The following FGF14 variants were observed in gnomAD, a reference collection of about 807,000 sequenced individuals.
FGF14 encodes fibroblast growth factor homologous factor 4.
A neutral mutation model predicts 25.5 loss-of-function variants in FGF14; 5 were observed. The ratio of observed to expected loss-of-function variants is 0.20; its 90% CI spans 0.10 to 0.41. The LOEUF (loss-of-function observed/expected upper bound fraction) is 0.41, where lower values mean the gene tolerates loss of function less well. FGF14 is among the 10% of genes least tolerant of loss of function. The pLI, the probability that FGF14 is intolerant of heterozygous loss-of-function variation, is 1.00. For synonymous variants in FGF14, 138 were observed against 118.3 expected (o/e 1.17, Z -1.08); for missense variants, 222 against 320.1 (o/e 0.69, Z 2.34).
At chr13:102,094,678 T>C (rs1485294197) in intron 1 of FGF14, among the ~76,000 whole-genome samples, 2 of 152,140 alleles carry the variant, frequency 1.3e-5, no homozygotes, top group Non-Finnish European at 2.9e-5. Flanking sequence ...AGGGAAAAGG[T>C]AAACAGCAGC....
chr13:101,943,272 C>T (rs16959481), intron 1 of FGF14, among the ~76,000 whole-genome samples: 10,022 of 152,128 alleles, frequency 0.066, 1,105 homozygotes, highest in African/African-American at 0.23. Flanking sequence ...TAGACTTAAC[C>T]GTGTGTCTGC....
chr13:101,762,134 G>A (rs960540575), intron 3 of FGF14, among the ~76,000 whole-genome samples: 15 of 152,192 alleles, frequency 9.9e-5, no homozygotes, highest in Non-Finnish European at 2.1e-4. Context: ...AATGGTAGGA[G>A]CATTTTGTCT....
Position 101,816,713 on chromosome 13 carries a change from T to C in FGF14, c.408+52012A>G, listed in dbSNP as rs140195325. Among the ~76,000 whole-genome samples, 406 of 152,276 alleles carry C rather than the reference T, an allele frequency of 2.7e-3. 1 individual carries two copies. Among genetic ancestry groups the C allele is most frequent in the African/African-American group, 9.1e-3 (379 of 41,578 alleles). ...CTCATGCATAAGTTTAATTCTATCA[T>C]ATAGGTATCTGATTATAAAATTCTA... On this transcript the variant is annotated intron_variant, in intron 3 of 4. Coordinates refer to ENST00000376143, the MANE Select transcript of FGF14 (RefSeq NM_004115.4).
chr13:102,294,896 T>C (rs1168849563), intron 1 of FGF14, among the ~76,000 whole-genome samples: 2 of 152,214 alleles, frequency 1.3e-5, no homozygotes, highest in Admixed American at 1.3e-4. Flanking sequence ...TGAGTTACAA[T>C]AGCACTTAGA....
At chr13:102,213,624 C>T (rs1219736503) in intron 1 of FGF14, among the ~76,000 whole-genome samples, 6 of 151,930 alleles carry the variant, frequency 3.9e-5, no homozygotes, top group Non-Finnish European at 7.4e-5. Flanking sequence ...TCAATGTTAA[C>T]GAAAAAAGCA....
intron 1 of FGF14, among the ~76,000 whole-genome samples, chr13:102,039,976 TA>T (rs5806264): frequency 1.9e-4 from 28 of 149,624 alleles, no homozygotes; most frequent in East Asian, 1.8e-3. Flanking sequence ...GTTTACATGT[TA>T]AAAAAAAAAA....
intron 1 of FGF14, among the ~76,000 whole-genome samples, chr13:102,132,627 C>T (rs1248461358): frequency 1.3e-5 from 2 of 151,638 alleles, no homozygotes; most frequent in African/African-American, 4.8e-5. Context: ...GGTAATTCTT[C>T]TGCTGCAGCC....
chr13:102,045,683 G>C (rs1288316612), intron 1 of FGF14, among the ~76,000 whole-genome samples: 2 of 152,166 alleles, frequency 1.3e-5, no homozygotes, highest in East Asian at 3.9e-4. Flanking sequence ...TTTGATCCCT[G>C]ATACAGTTTA....
chr13:101,792,875 T>C (rs903031198), intron 3 of FGF14, among the ~76,000 whole-genome samples: 7 of 152,008 alleles, frequency 4.6e-5, no homozygotes, highest in Non-Finnish European at 1.0e-4. Flanking sequence ...TGATTGGCTT[T>C]TTTTGTATAC....
At chr13:102,310,172 A>G (rs901528427) in intron 1 of FGF14, among the ~76,000 whole-genome samples, 1 of 152,212 alleles carries the variant, frequency 6.6e-6, no homozygotes, top group Non-Finnish European at 1.5e-5. Context: ...AACTTTGGAA[A>G]GGCTTTAATT....
intron 1 of FGF14, among the ~76,000 whole-genome samples, chr13:102,007,526 T>C (rs1330617283): frequency 6.6e-6 from 1 of 152,142 alleles, no homozygotes; most frequent in Non-Finnish European, 1.5e-5. Flanking sequence ...CAACAAAGCA[T>C]GAATCAAGAC....
chr13:101,725,171 T>G (rs762226956), intron 4 of FGF14, among the ~76,000 whole-genome samples: 9 of 152,096 alleles, frequency 5.9e-5, no homozygotes, highest in Non-Finnish European at 1.2e-4. Flanking sequence ...ATGGTCTTAT[T>G]AGAGCTTCTG....
At chr13:102,397,508 T>C (rs2139275758) in intron 1 of FGF14, among the ~76,000 whole-genome samples, 1 of 152,282 alleles carries the variant, frequency 6.6e-6, no homozygotes, top group African/African-American at 2.4e-5. Context: ...GCACTGACAT[T>C]TGTACTCAAT....
chr13:101,930,200 G>A (rs1436183478), intron 1 of FGF14, among the ~76,000 whole-genome samples: 1 of 151,982 alleles, frequency 6.6e-6, no homozygotes, highest in African/African-American at 2.4e-5. Flanking sequence ...CAAACCAAAT[G>A]AGAAACCCAA....
intron 1 of FGF14, chr13:102,293,218 T>C (rs1481891949): frequency 6.6e-6 from 1 of 152,204 alleles, no homozygotes; most frequent in Non-Finnish European, 1.5e-5. Flanking sequence ...AGGCTCTCTC[T>C]TCCTTGCCAT....
rs567507673 is a variant in FGF14 at position 102,366,539 on chromosome 13, G to A, written c.208+34932C>T. ...ATGGTGGCTTCCTGTCCTGCACTGCGGGAGCCCCCTCTTTACACAATTATT... is the reference window on the plus strand; with the variant it reads ...ATGGTGGCTTCCTGTCCTGCACTGCAGGAGCCCCCTCTTTACACAATTATT... On this transcript the variant is annotated intron_variant, in intron 1 of 4. Coordinates refer to the FGF14 transcript ENST00000376131. 13 of 150,720 alleles carry A rather than the reference G, an allele frequency of 8.6e-5. No homozygotes were observed. The South Asian group carries it at 1.9e-3, about 22-fold the overall frequency. 9.3% of individuals were successfully genotyped at this position (150,720 alleles called of 1,614,324 possible).
At chr13:102,317,357 G>A (rs906643680) in intron 1 of FGF14, among the ~76,000 whole-genome samples, 2 of 151,452 alleles carry the variant, frequency 1.3e-5, no homozygotes, top group Non-Finnish European at 2.9e-5. Flanking sequence ...GTGGTAATAA[G>A]TATTAGAAAA....
intron 1 of FGF14, among the ~76,000 whole-genome samples, chr13:102,024,372 T>G (rs1331081154): frequency 6.6e-6 from 1 of 152,094 alleles, no homozygotes. Context: ...CCATAATGAC[T>G]AATGATGTTG....
intron 3 of FGF14, among the ~76,000 whole-genome samples, chr13:101,835,488 C>T (rs749120024): frequency 2.6e-5 from 4 of 151,852 alleles, no homozygotes; most frequent in Non-Finnish European, 4.4e-5. Context: ...TTTTATTGGT[C>T]GACTATATCT....
Sources: allele counts gnomAD v4.1 joint callset (sites outside exome capture counted in the v4.1 genomes callset), GRCh38; gene constraint gnomAD v4.1.1; transcripts MANE v1.5; gene names NCBI Gene and HGNC (gene_info 2026-07-23, HGNC 2026-07-21).